The following SEMA6D variants were observed in gnomAD, a reference collection of about 807,000 sequenced individuals.
The protein encoded by SEMA6D is semaphorin 6D.
A neutral mutation model predicts 106.6 loss-of-function variants in SEMA6D; 35 were observed. The ratio of observed to expected loss-of-function variants is 0.33; its 90% confidence interval spans 0.25 to 0.44. The LOEUF (loss-of-function observed/expected upper bound fraction) is 0.44, where lower values mean the gene tolerates loss of function less well. SEMA6D is among the 20% of genes least tolerant of loss of function. The pLI, the probability that SEMA6D is intolerant of heterozygous loss-of-function variation, is 1.00. For missense variants in SEMA6D, 1,185 were observed against 1,345.9 expected, an observed-to-expected ratio of 0.88 and a Z score of 1.87; for synonymous variants, 499 against 487.7, an observed-to-expected ratio of 1.02 and a Z score of -0.31.
intron 1 of SEMA6D, among the ~76,000 whole-genome samples, chr15:47,211,635 A>G (rs1345099571): frequency 1.3e-5 from 2 of 152,222 alleles, no homozygotes; most frequent in South Asian, 2.1e-4. Flanking sequence ...CCATATTTAT[A>G]TAAGATTTGG....
At chr15:47,636,164 G>A (rs114389391) in intron 4 of SEMA6D, among the ~76,000 whole-genome samples, 2,641 of 152,186 alleles carry the variant, frequency 0.017, 79 homozygotes, top group African/African-American at 0.061. Context: ...ACACTGAATT[G>A]TGGTGATGGT....
chr15:47,290,532 T>C (rs1045005998), intron 1 of SEMA6D, among the ~76,000 whole-genome samples: 2 of 152,072 alleles, frequency 1.3e-5, no homozygotes, highest in Admixed American at 6.6e-5. Context: ...ATCCAAACTT[T>C]AAATACATAT....
intron 3 of SEMA6D, among the ~76,000 whole-genome samples, chr15:47,557,103 G>A (rs1258358445): frequency 6.6e-6 from 1 of 152,138 alleles, no homozygotes; most frequent in Non-Finnish European, 1.5e-5. Context: ...ATTACTTATA[G>A]TACCCTCGGA....
At chr15:47,538,948 A>G (rs945009777) in intron 3 of SEMA6D, among the ~76,000 whole-genome samples, 1 of 152,206 alleles carries the variant, frequency 6.6e-6, no homozygotes, top group East Asian at 1.9e-4. Flanking sequence ...TATGAAGAAG[A>G]TCTACTTAGA....
intron 18 of SEMA6D, among the ~76,000 whole-genome samples, chr15:47,770,250 A>C (rs2082558170): frequency 6.6e-6 from 1 of 152,172 alleles, no homozygotes; most frequent in African/African-American, 2.4e-5. Context: ...GATTGGAGGA[A>C]AAGAACAGAA....
chr15:47,710,310 C>T (rs887237184), intron 4 of SEMA6D, among the ~76,000 whole-genome samples: 4 of 152,148 alleles, frequency 2.6e-5, no homozygotes, highest in African/African-American at 4.8e-5. Flanking sequence ...AATGAGAAAC[C>T]GACCCCTGGA....
At chr15:47,504,686 C>T (rs188744539) in intron 3 of SEMA6D, among the ~76,000 whole-genome samples, 1 of 152,216 alleles carries the variant, frequency 6.6e-6, no homozygotes, top group East Asian at 1.9e-4. Flanking sequence ...CTAAGTGGAA[C>T]TCATCCCTTC....
At chr15:47,458,736 C>G (rs572954272) in intron 2 of SEMA6D, among the ~76,000 whole-genome samples, 53 of 152,022 alleles carry the variant, frequency 3.5e-4, no homozygotes, top group Admixed American at 3.0e-3. Flanking sequence ...ACTGATAGTA[C>G]TAAACACCTT....
intron 1 of SEMA6D, among the ~76,000 whole-genome samples, chr15:47,385,505 T>G (rs192954515): frequency 8.6e-4 from 131 of 152,244 alleles, no homozygotes; most frequent in African/African-American, 3.1e-3. Context: ...GGCCTCTGCT[T>G]TCCCTGAGAT....
intron 4 of SEMA6D, among the ~76,000 whole-genome samples, chr15:47,652,652 T>C (rs2077714812): frequency 6.6e-6 from 1 of 152,224 alleles, no homozygotes; most frequent in Middle Eastern, 3.2e-3. Context: ...CCCTTGGTGC[T>C]TGCCATTGCC....
chr15:47,394,358 A>G (rs1186564517), intron 1 of SEMA6D, among the ~76,000 whole-genome samples: 1 of 152,238 alleles, frequency 6.6e-6, no homozygotes, highest in African/African-American at 2.4e-5. Flanking sequence ...ACACTTGAGC[A>G]GTTTACAATG....
intron 3 of SEMA6D, among the ~76,000 whole-genome samples, chr15:47,507,781 A>T (rs2044097346): frequency 6.6e-6 from 1 of 152,208 alleles, no homozygotes; most frequent in African/African-American, 2.4e-5. Context: ...TAGACATTTA[A>T]ATAAATTCAG....
rs75629181 is a variant in SEMA6D, at chr15:47,739,670, C to T, written c.-54-20075C>T. 4.7e-3 allele frequency among the ~76,000 whole-genome samples: 719 copies of T among 152,312 alleles called. 7 individuals are homozygous for T. Among genetic ancestry groups the T allele is most frequent in the Middle Eastern group, 0.034 (10 of 294 alleles). On this transcript the variant is annotated intron_variant, in intron 1 of 18. Coordinates refer to ENST00000536845, the MANE Select transcript of SEMA6D (RefSeq NM_001358351.3). ...ATTGCTGAGTGGTTGATTTAGGTGT[C>T]TCTACTACTAGGAAAAGGGAAATTA...
chr15:47,484,739 A>C (rs74876175), intron 3 of SEMA6D, among the ~76,000 whole-genome samples: 3,095 of 152,150 alleles, frequency 0.02, 111 homozygotes, highest in African/African-American at 0.071. Context: ...GAAGGAGGCA[A>C]GGCCTACACT....
chr15:47,599,515 T>C (rs994504546), intron 3 of SEMA6D, among the ~76,000 whole-genome samples: 4 of 151,846 alleles, frequency 2.6e-5, no homozygotes, highest in Non-Finnish European at 5.9e-5. Flanking sequence ...GTTCACTGTA[T>C]AAACTATCCA....
intron 1 of SEMA6D, among the ~76,000 whole-genome samples, chr15:47,405,009 C>G (rs1473856051): frequency 6.6e-6 from 1 of 152,016 alleles, no homozygotes; most frequent in Non-Finnish European, 1.5e-5. Flanking sequence ...GCAGCTGCTT[C>G]TTAAAGAATG....
At chr15:47,266,620 GA>G (rs978449907) in intron 1 of SEMA6D, among the ~76,000 whole-genome samples, 72 of 152,226 alleles carry the variant, frequency 4.7e-4, no homozygotes, top group African/African-American at 1.7e-3. Context: ...AGGCTGGGCA[GA>G]AGAAGGGAAC....
intron 1 of SEMA6D, among the ~76,000 whole-genome samples, chr15:47,386,913 G>A (rs1047776070): frequency 2.6e-5 from 4 of 152,222 alleles, no homozygotes. Context: ...AATGCAATAG[G>A]GGTAAGGGAT....
At chr15:47,214,253 T>C (rs535680524) in intron 1 of SEMA6D, among the ~76,000 whole-genome samples, 4 of 152,154 alleles carry the variant, frequency 2.6e-5, no homozygotes, top group Non-Finnish European at 4.4e-5. Context: ...TAAACGTGTT[T>C]TCAAGGTGAT....
Sources: allele counts gnomAD v4.1 joint callset (sites outside exome capture counted in the v4.1 genomes callset), GRCh38; gene constraint gnomAD v4.1.1; transcripts MANE v1.5; gene names NCBI Gene and HGNC (gene_info 2026-07-23, HGNC 2026-07-21).